WDR59: variants seen among roughly 807,000 people sequenced by gnomAD.
WDR59 encodes the protein WD repeat domain 59, also known as GATOR2 complex protein WDR59.
WDR59 carries 100 observed loss-of-function variants against 131.2 expected under a neutral mutation model. The ratio of observed to expected loss-of-function variants is 0.76; its 90% CI spans 0.65 to 0.90. The LOEUF is 0.90. Ranked by LOEUF, WDR59 falls within the 40% of genes least tolerant of loss-of-function variation. The pLI, the probability that WDR59 is intolerant of heterozygous loss-of-function variation, is 0.00. For synonymous variants in WDR59, 601 were observed against 466.2 expected, an observed-to-expected ratio of 1.29 and a Z score of -3.72; for missense variants, 1,203 against 1,262.2, an observed-to-expected ratio of 0.95 and a Z score of 0.71.
At chr16:74,984,909 G>A (rs931487163) in intron 1 of WDR59, 55 bp downstream of exon 1, 6 of 1,581,890 alleles carry the variant, frequency 3.8e-6, no homozygotes, top group African/African-American at 1.3e-5. Context: ...CCGCGTGGGG[G>A]AGGGGAAGCG....
intron 18 of WDR59, among the ~76,000 whole-genome samples, chr16:74,894,654 A>C (rs2144840213): frequency 6.6e-6 from 1 of 152,314 alleles, no homozygotes; most frequent in South Asian, 2.1e-4. Context: ...ATTTATTAAC[A>C]AAAAAAGGCA....
At chr16:74,899,138 T>A (rs530535323) in intron 18 of WDR59, among the ~76,000 whole-genome samples, 1 of 152,042 alleles carries the variant, frequency 6.6e-6, no homozygotes, top group African/African-American at 2.4e-5. Context: ...GAAAAGAGGA[T>A]GTCCACAGCG....
chr16:74,965,409 C>T (rs755396752), intron 2 of WDR59, among the ~76,000 whole-genome samples: 1 of 152,260 alleles, frequency 6.6e-6, no homozygotes, highest in Non-Finnish European at 1.5e-5. Flanking sequence ...GTTAGTGGCA[C>T]CGTCAAACTG....
At position 74,883,026 on chromosome 16, in the gene WDR59, T is replaced by C. The variant is rs1296536862; in HGVS notation, c.2689+2627A>G. 9.6e-5 allele frequency among the ~76,000 whole-genome samples: 13 copies of C among 134,796 alleles called. No homozygotes were observed. In the East Asian group the frequency reaches 2.7e-3, roughly 28 times the overall value. 88.4% of individuals were successfully genotyped at this position (134,796 alleles called of 152,430 possible). A position where few individuals can be genotyped will look rare whatever the true frequency, so the allele number is the denominator to read the frequency against. ...TTCGTTTTTTTGTTTTTTGCTTTTT[T>C]TTTTTTTTTTTTTTTTGAGACAGAG... On this transcript the variant is annotated intron_variant, in intron 25 of 25. Transcript: ENST00000262144.
intron 25 of WDR59, among the ~76,000 whole-genome samples, chr16:74,883,729 G>A (rs994729806): frequency 2.6e-5 from 4 of 151,960 alleles, no homozygotes; most frequent in African/African-American, 9.7e-5. Context: ...CCAGGTATTG[G>A]TTTCTCTCAA....
At chr16:74,917,010 G>C (rs1426692086) in intron 11 of WDR59, among the ~76,000 whole-genome samples, 1 of 152,170 alleles carries the variant, frequency 6.6e-6, no homozygotes, top group Non-Finnish European at 1.5e-5. Context: ...TTTTTATCCA[G>C]TATTTTCTAT....
chr16:74,969,664 C>T (rs2033906245), intron 1 of WDR59, among the ~76,000 whole-genome samples: 2 of 151,614 alleles, frequency 1.3e-5, no homozygotes, highest in Middle Eastern at 3.4e-3. Flanking sequence ...CTGCCTCCCG[C>T]GTTAAAGTGA....
intron 18 of WDR59, among the ~76,000 whole-genome samples, chr16:74,901,052 C>T (rs377622673): frequency 3.3e-5 from 5 of 152,296 alleles, no homozygotes; most frequent in South Asian, 4.1e-4. Context: ...GAGCAGAGAC[C>T]GCGCCTTTGC....
rs547916017 is a variant in WDR59, at chr16:74,914,495, G to C, written c.1224+1375C>G. ...ATCTGGAGACCTGGATTCACATGTT[G>C]TTTCTTCCACCAAATAGCTGCTGAC... On this transcript the variant is annotated intron_variant, in intron 13 of 25. Transcript: ENST00000262144. 6.6e-4 allele frequency among the ~76,000 whole-genome samples: 101 copies of C among 152,226 alleles called. 1 individual carries two copies. The highest frequency in any genetic ancestry group is 2.3e-3 in the African/African-American group (97 of 41,542).
chr16:74,911,995 A>T, intron 14 of WDR59: 1 of 626,696 alleles, frequency 1.6e-6, no homozygotes, highest in Non-Finnish European at 2.7e-6. Context: ...GAAGTCTATG[A>T]CCCAAAAAAG....
At position 74,893,770 on chromosome 16, in the gene WDR59, CAG is replaced by C; in HGVS notation, c.1907_1908del (p.Ser636TrpfsTer36). On this transcript the variant is annotated frameshift_variant, in exon 19 of 26. Coordinates refer to ENST00000262144, the MANE Select transcript of WDR59 (RefSeq NM_030581.4). LOFTEE classifies it high-confidence loss of function. The part of the protein sequence containing the change: ...RWKSKREGSD[S>X]GNRQIKAAGK... ...CCAGCAGCCTTGATCTGTCGATTGC[CAG>C]AGTCTGATCCCTCACGCTTACTTTT... 6.2e-7 allele frequency: 1 copy of C among 1,614,150 alleles called. No homozygotes were observed.
chr16:74,891,449 G>C (rs1965040547), intron 20 of WDR59, among the ~76,000 whole-genome samples: 1 of 152,210 alleles, frequency 6.6e-6, no homozygotes, highest in African/African-American at 2.4e-5. Context: ...ATCAGCACTA[G>C]AGGAAGTTAA....
chr16:74,957,650 C>T (rs1217549525), intron 2 of WDR59, among the ~76,000 whole-genome samples: 1 of 152,112 alleles, frequency 6.6e-6, no homozygotes, highest in Non-Finnish European at 1.5e-5. Flanking sequence ...GATCTGAAAA[C>T]AGGGAGGTTC....
chr16:74,923,653 T>G (rs542916377), intron 9 of WDR59, among the ~76,000 whole-genome samples: 2 of 152,146 alleles, frequency 1.3e-5, no homozygotes, highest in African/African-American at 4.8e-5. Flanking sequence ...AATTTTTGTA[T>G]TTTTAGTAGA....
intron 3 of WDR59, among the ~76,000 whole-genome samples, chr16:74,952,191 A>G (rs1330273951): frequency 1.3e-5 from 2 of 152,012 alleles, no homozygotes; most frequent in African/African-American, 4.8e-5. Context: ...TTGGTGGCTC[A>G]TGCCTGTAAT....
At chr16:74,929,799 A>G (rs184875882) in intron 8 of WDR59, among the ~76,000 whole-genome samples, 1 of 152,340 alleles carries the variant, frequency 6.6e-6, no homozygotes, top group East Asian at 1.9e-4. Context: ...TCAACAGACA[A>G]ACGGAAAAGA....
chr16:74,927,970 C>T (rs77726355), intron 8 of WDR59, among the ~76,000 whole-genome samples: 45,692 of 139,176 alleles, frequency 0.33, 9,116 homozygotes, highest in East Asian at 0.66. Flanking sequence ...TGCAGTAGCG[C>T]GATCTCGGCT....
intron 8 of WDR59, among the ~76,000 whole-genome samples, chr16:74,932,199 T>C (rs1436440847): frequency 6.6e-6 from 1 of 151,408 alleles, no homozygotes; most frequent in Non-Finnish European, 1.5e-5. Flanking sequence ...GCTCAAGCAA[T>C]CCTCCTGCCT....
chr16:74,931,257 T>C (rs2031359822), intron 8 of WDR59, among the ~76,000 whole-genome samples: 1 of 152,274 alleles, frequency 6.6e-6, no homozygotes, highest in South Asian at 2.1e-4. Flanking sequence ...ATATTTAAAA[T>C]TATTAAAATA....
Sources: allele counts gnomAD v4.1 joint callset (sites outside exome capture counted in the v4.1 genomes callset), GRCh38; gene constraint gnomAD v4.1.1; transcripts MANE v1.5; gene names NCBI Gene and HGNC (gene_info 2026-07-23, HGNC 2026-07-21).